NRXN3: variants seen among roughly 807,000 people sequenced by gnomAD.
NRXN3 encodes the protein neurexin 3, also known as neurexin III.
A neutral mutation model predicts 137.6 loss-of-function variants in NRXN3; 32 were observed. The observed-to-expected ratio is 0.23, with a 90% CI of 0.18 to 0.31. The LOEUF is 0.31. Ranked by LOEUF, NRXN3 falls within the 10% of genes least tolerant of loss-of-function variation. NRXN3 has a pLI of 1.00. For synonymous variants in NRXN3, 798 were observed against 784.5 expected (o/e 1.02, Z -0.29); for missense variants, 1,574 against 2,062.5 (o/e 0.76, Z 4.59).
intron 15 of NRXN3, among the ~76,000 whole-genome samples, chr14:79,459,931 T>C (rs1387596947): frequency 1.3e-5 from 2 of 152,120 alleles, no homozygotes; most frequent in Non-Finnish European, 2.9e-5. Flanking sequence ...TTGCGTATTC[T>C]ACCACTAATC....
intron 15 of NRXN3, among the ~76,000 whole-genome samples, chr14:79,028,383 G>A (rs1233177116): frequency 1.3e-5 from 2 of 152,104 alleles, no homozygotes; most frequent in Admixed American, 6.6e-5. Context: ...TATCTGCACT[G>A]CAGTCTGGAA....
At chr14:79,042,648 A>C (rs2099626891) in intron 15 of NRXN3, among the ~76,000 whole-genome samples, 1 of 152,192 alleles carries the variant, frequency 6.6e-6, no homozygotes, top group Non-Finnish European at 1.5e-5. Context: ...TTGAAATATA[A>C]GATTGTTTTC....
chr14:79,774,529 T>G (rs2099090528), intron 19 of NRXN3, among the ~76,000 whole-genome samples: 1 of 152,182 alleles, frequency 6.6e-6, no homozygotes, highest in African/African-American at 2.4e-5. Flanking sequence ...ATTAAACTAT[T>G]TCTAGGACTT....
Position 79,663,767 on chromosome 14 carries a change from C to T in NRXN3, c.3445-11C>T. The T allele has an allele frequency of 2.5e-6, 4 of 1,610,434 alleles. No individual in the cohort carries two copies. Among genetic ancestry groups the T allele is most frequent in the Non-Finnish European group, 1.7e-6 (2 of 1,178,078 alleles). On this transcript the variant is annotated splice_polypyrimidine_tract_variant and intron_variant, in intron 16 of 20. Transcript: ENST00000335750. ...GGTGATAACTATGCCTTTTGTGTTT[C>T]TTTATTATAGGAACAGGGGAAAATT...
intron 15 of NRXN3, among the ~76,000 whole-genome samples, chr14:79,343,813 C>A (rs1740166472): frequency 6.6e-6 from 1 of 151,996 alleles, no homozygotes; most frequent in South Asian, 2.1e-4. Flanking sequence ...TCCTTTTTCC[C>A]TTTTTTGAGG....
At position 78,196,671 on chromosome 14, in the gene NRXN3, A is replaced by G. The variant is rs143459157; in HGVS notation, c.-704+25997A>G. ...GGAGATACAGTGGTTCAGAGGGCAG[A>G]CAAGGTCCTGTCTTTATGAAGCTCA... On this transcript the variant is annotated intron_variant, in intron 1 of 20. Transcript: ENST00000335750. 2.1e-3 allele frequency among the ~76,000 whole-genome samples: 326 copies of G among 152,368 alleles called. 2 individuals are homozygous for G. The highest frequency in any genetic ancestry group is 7.3e-3 in the African/African-American group (304 of 41,592).
intron 8 of NRXN3, among the ~76,000 whole-genome samples, chr14:78,800,705 G>A (rs936027920): frequency 6.6e-6 from 1 of 152,132 alleles, no homozygotes; most frequent in Non-Finnish European, 1.5e-5. Flanking sequence ...ACAGAGTAGG[G>A]ATATGATAAC....
At chr14:78,985,039 T>A (rs189087598) in intron 14 of NRXN3, among the ~76,000 whole-genome samples, 8 of 152,360 alleles carry the variant, frequency 5.3e-5, no homozygotes, top group Non-Finnish European at 2.9e-5. Context: ...TGCCCCTTAA[T>A]GCAAGTGAAG....
chr14:79,314,839 C>A (rs2153233112), intron 15 of NRXN3, among the ~76,000 whole-genome samples: 1 of 149,978 alleles, frequency 6.7e-6, no homozygotes, highest in South Asian at 2.2e-4. Context: ...TTCCAACAGA[C>A]CTGCAGCTGA....
intron 15 of NRXN3, among the ~76,000 whole-genome samples, chr14:79,302,190 T>G (rs1438661957): frequency 2.0e-5 from 3 of 152,056 alleles, no homozygotes; most frequent in Admixed American, 6.6e-5. Context: ...GTGCTTTACA[T>G]ATATTACAGT....
chr14:79,665,870 G>A (rs2098555028), intron 17 of NRXN3, among the ~76,000 whole-genome samples: 1 of 152,078 alleles, frequency 6.6e-6, no homozygotes, highest in Non-Finnish European at 1.5e-5. Context: ...TTCTTTAATA[G>A]CATTGCTCCC....
intron 10 of NRXN3, among the ~76,000 whole-genome samples, chr14:78,934,544 C>T (rs1482091145): frequency 6.6e-6 from 1 of 152,160 alleles, no homozygotes; most frequent in East Asian, 1.9e-4. Flanking sequence ...CTCCAACTCT[C>T]CTACCGATGC....
intron 4 of NRXN3, among the ~76,000 whole-genome samples, chr14:78,554,761 T>C (rs2096723029): frequency 6.7e-6 from 1 of 149,222 alleles, no homozygotes; most frequent in Non-Finnish European, 1.5e-5. Context: ...CATTTTAGCG[T>C]TCGTGGGCCA....
intron 1 of NRXN3, among the ~76,000 whole-genome samples, chr14:78,241,387 T>G (rs954532498): frequency 2.0e-5 from 3 of 152,104 alleles, no homozygotes; most frequent in Non-Finnish European, 4.4e-5. Context: ...CCCAGCACTT[T>G]GGGAGGCCTA....
intron 6 of NRXN3, among the ~76,000 whole-genome samples, chr14:78,659,436 T>C (rs1184499183): frequency 6.6e-6 from 1 of 152,128 alleles, no homozygotes; most frequent in African/African-American, 2.4e-5. Flanking sequence ...TTTAGCACTT[T>C]AGGAGGCTGA....
intron 16 of NRXN3, among the ~76,000 whole-genome samples, chr14:79,478,436 A>G (rs2096579060): frequency 1.3e-5 from 2 of 151,820 alleles, no homozygotes; most frequent in African/African-American, 4.8e-5. Context: ...CTTTATTGGT[A>G]TTTATTATGG....
chr14:78,188,698 T>C (rs913473909), intron 1 of NRXN3, among the ~76,000 whole-genome samples: 4 of 152,194 alleles, frequency 2.6e-5, no homozygotes, highest in African/African-American at 7.2e-5. Flanking sequence ...AGCAGCCAAA[T>C]GTGAATGCAG....
At position 79,843,351 on chromosome 14, in the gene NRXN3, G is replaced by A. The variant is rs113206292; in HGVS notation, c.4094-17991G>A. ...AAAATACTTTACTGCTAACAAAAATGCTAGTGATCAACAGTATTCAGCGAA... is the reference window on the plus strand; with the variant it reads ...AAAATACTTTACTGCTAACAAAAATACTAGTGATCAACAGTATTCAGCGAA... On this transcript the variant is annotated intron_variant, in intron 20 of 20. Transcript: ENST00000335750. 5.4e-4 allele frequency among the ~76,000 whole-genome samples: 82 copies of A among 152,304 alleles called. 1 individual carries two copies. The highest frequency in any genetic ancestry group is 1.9e-3 in the African/African-American group (78 of 41,568).
At chr14:79,711,080 T>C (rs963788813) in intron 19 of NRXN3, among the ~76,000 whole-genome samples, 2 of 152,202 alleles carry the variant, frequency 1.3e-5, no homozygotes, top group Non-Finnish European at 2.9e-5. Flanking sequence ...AAATTTCAAA[T>C]GTAAACAATA....
Sources: gnomAD v4.1 joint callset for allele counts (sites outside exome capture counted in the v4.1 genomes callset) on GRCh38, gnomAD v4.1.1 for gene constraint, MANE v1.5 for transcripts, NCBI Gene and HGNC (gene_info 2026-07-23, HGNC 2026-07-21) for gene names.